The following KCNH1 variants were observed in gnomAD, a reference collection of about 807,000 sequenced individuals.
KCNH1 encodes the protein potassium voltage-gated channel subfamily H member 1.
Under a neutral mutation model 69.2 loss-of-function variants are expected in KCNH1, and 27 were observed. The ratio of observed to expected loss-of-function variants is 0.39; its 90% confidence interval spans 0.29 to 0.54. The LOEUF (loss-of-function observed/expected upper bound fraction) is 0.54, where lower values mean the gene tolerates loss of function less well. Ranked by LOEUF, KCNH1 falls within the 20% of genes least tolerant of loss-of-function variation. The pLI, the probability that KCNH1 is intolerant of heterozygous loss-of-function variation, is 0.68. For synonymous variants in KCNH1, 456 were observed against 487.7 expected, an observed-to-expected ratio of 0.93 and a Z score of 0.86; for missense variants, 798 against 1,261.6, an observed-to-expected ratio of 0.63 and a Z score of 5.57.
intron 6 of KCNH1, among the ~76,000 whole-genome samples, chr1:210,996,990 T>G (rs981385087): frequency 3.3e-5 from 5 of 151,984 alleles, no homozygotes; most frequent in African/African-American, 1.2e-4. Context: ...AGAAAAGACA[T>G]CCACACCAAA....
chr1:210,870,475 C>T (rs1686215681), intron 7 of KCNH1, among the ~76,000 whole-genome samples: 1 of 152,136 alleles, frequency 6.6e-6, no homozygotes, highest in Non-Finnish European at 1.5e-5. Context: ...CCTCTTTTTT[C>T]CCCTACTGTG....
At chr1:210,906,909 A>T (rs1687113918) in intron 7 of KCNH1, among the ~76,000 whole-genome samples, 1 of 152,222 alleles carries the variant, frequency 6.6e-6, no homozygotes, top group African/African-American at 2.4e-5. Context: ...GGTAATAACC[A>T]AGTGGATAGA....
intron 6 of KCNH1, among the ~76,000 whole-genome samples, chr1:210,977,112 C>T (rs1028020573): frequency 6.6e-6 from 1 of 152,100 alleles, no homozygotes; most frequent in African/African-American, 2.4e-5. Flanking sequence ...TACTAAGCAG[C>T]CATGAAAAAG....
intron 7 of KCNH1, among the ~76,000 whole-genome samples, chr1:210,839,129 A>C (rs1430037074): frequency 1.3e-5 from 2 of 152,222 alleles, no homozygotes; most frequent in Non-Finnish European, 2.9e-5. Context: ...TTGCAGCAGC[A>C]TTCACAACAG....
chr1:211,104,593 T>C (rs954562193), intron 2 of KCNH1, among the ~76,000 whole-genome samples: 4 of 152,038 alleles, frequency 2.6e-5, no homozygotes, highest in Admixed American at 2.0e-4. Context: ...GAATGAATAA[T>C]GGCACAGGAG....
chr1:211,114,634 G>A (rs1691534467), intron 1 of KCNH1, among the ~76,000 whole-genome samples: 1 of 152,176 alleles, frequency 6.6e-6, no homozygotes, highest in Non-Finnish European at 1.5e-5. Context: ...TCCCCCAGGT[G>A]GTTGGCCATA....
At chr1:210,928,929 AGAG>A (rs1232925754) in intron 6 of KCNH1, among the ~76,000 whole-genome samples, 1 of 152,224 alleles carries the variant, frequency 6.6e-6, no homozygotes, top group Non-Finnish European at 1.5e-5. Context: ...TAGAACACCT[AGAG>A]GAGATGAATA....
Position 210,801,240 on chromosome 1 carries a change from G to T in KCNH1, c.1662+2727C>A, listed in dbSNP as rs1684420232. On this transcript the variant is annotated intron_variant, in intron 8 of 10. Transcript: ENST00000271751. The stretch of plus-strand genomic sequence containing the variant: ...ACAAGTGATATGCTCAAAGTCACCA[G>T]CTAATAGCTGGTAAAACTGGGGTAT... Among the ~76,000 whole-genome samples, 3 of 152,204 alleles carry T rather than the reference G, an allele frequency of 2.0e-5. No individual in the cohort carries two copies. In the South Asian group the frequency reaches 6.2e-4, roughly 32 times the overall value.
intron 7 of KCNH1, among the ~76,000 whole-genome samples, chr1:210,812,155 G>A (rs957996689): frequency 6.6e-6 from 1 of 152,122 alleles, no homozygotes; most frequent in African/African-American, 2.4e-5. Flanking sequence ...CATAAATGTT[G>A]GTTTTGACTT....
intron 1 of KCNH1, among the ~76,000 whole-genome samples, chr1:211,112,006 C>G (rs1166506063): frequency 1.3e-5 from 2 of 148,182 alleles, no homozygotes; most frequent in African/African-American, 5.0e-5. Context: ...GGCTGCCCAC[C>G]ATCTGGGAAG....
intron 6 of KCNH1, among the ~76,000 whole-genome samples, chr1:211,013,052 T>C (rs540513896): frequency 1.3e-5 from 2 of 152,204 alleles, no homozygotes; most frequent in African/African-American, 4.8e-5. Flanking sequence ...GCCCTGGTCA[T>C]CTCATGACTT....
At chr1:210,848,616 A>G (rs1353683345) in intron 7 of KCNH1, among the ~76,000 whole-genome samples, 1 of 152,182 alleles carries the variant, frequency 6.6e-6, no homozygotes, top group South Asian at 2.1e-4. Context: ...TCTCTGTCCC[A>G]TCTTTTGAAT....
chr1:211,087,613 ACACACACACACACACACACACACACG>A (rs1265589235), intron 4 of KCNH1, among the ~76,000 whole-genome samples: 1 of 95,866 alleles, frequency 1.0e-5, no homozygotes, highest in African/African-American at 3.8e-5. Flanking sequence ...GCATACACAC[ACACACACACACACACACACACACACG>A]CACACACACA....
chr1:210,749,742 C>CTTTTT (rs34174582), intron 10 of KCNH1, among the ~76,000 whole-genome samples: 1 of 130,556 alleles, frequency 7.7e-6, no homozygotes, highest in Non-Finnish European at 1.6e-5. Context: ...AGGCTGCTCA[C>CTTTTT]TTTTTTTTTT....
chr1:211,032,708 T>C (rs1689812308), intron 5 of KCNH1, among the ~76,000 whole-genome samples: 1 of 152,190 alleles, frequency 6.6e-6, no homozygotes, highest in Admixed American at 6.5e-5. Context: ...TGGCTAGCCA[T>C]ATGTAGAAAG....
chr1:211,001,169 T>C (rs1328286730), intron 6 of KCNH1, among the ~76,000 whole-genome samples: 1 of 152,180 alleles, frequency 6.6e-6, no homozygotes, highest in Non-Finnish European at 1.5e-5. Flanking sequence ...AAATGGGATG[T>C]AATCAAACTA....
intron 6 of KCNH1, among the ~76,000 whole-genome samples, chr1:210,990,551 C>A (rs1688919420): frequency 6.6e-6 from 1 of 152,100 alleles, no homozygotes; most frequent in South Asian, 2.1e-4. Context: ...ATCTCAGGCT[C>A]CCCATCAGTA....
intron 6 of KCNH1, among the ~76,000 whole-genome samples, chr1:211,005,904 AT>A (rs957318746): frequency 6.6e-6 from 1 of 152,142 alleles, no homozygotes; most frequent in African/African-American, 2.4e-5. Context: ...TTAATAAAAA[AT>A]GTATTATGTG....
intron 6 of KCNH1, among the ~76,000 whole-genome samples, chr1:211,008,052 TATATACCCAAA>T (rs1375083113): frequency 6.6e-6 from 1 of 152,142 alleles, no homozygotes; most frequent in African/African-American, 2.4e-5. Flanking sequence ...CTTCTATATA[TATATACCCAAA>T]AGAATTAAAA....
Sources: allele counts gnomAD v4.1 joint callset (sites outside exome capture counted in the v4.1 genomes callset), GRCh38; gene constraint gnomAD v4.1.1; transcripts MANE v1.5; gene names NCBI Gene and HGNC (gene_info 2026-07-23, HGNC 2026-07-21).